The following RANBP2 variants were observed in gnomAD, a reference collection of about 807,000 sequenced individuals.
RANBP2 encodes the protein RAN binding protein 2, also known as E3 SUMO-protein ligase RanBP2.
Under a neutral mutation model 303.6 loss-of-function variants are expected in RANBP2, and 57 were observed. The ratio of observed to expected loss-of-function variants is 0.19; its 90% CI spans 0.15 to 0.23. The LOEUF (loss-of-function observed/expected upper bound fraction) is 0.23, where lower values mean the gene tolerates loss of function less well. RANBP2 is among the 10% of genes least tolerant of loss of function. The probability of loss-of-function intolerance (pLI) is 1.00; values close to 1 mark genes in which losing one functional copy is unlikely to be tolerated. For synonymous variants in RANBP2, 1,167 were observed against 1,301.5 expected (o/e 0.90, Z 2.23); for missense variants, 3,138 against 3,780.8 (o/e 0.83, Z 4.46).
chr2:109,122,320 G>A, the RANBP2 span, among the ~76,000 whole-genome samples: 2 of 152,224 alleles, frequency 1.3e-5, no homozygotes, highest in Non-Finnish European at 2.9e-5. Context: ...TAGAAAGGAA[G>A]TGCCAGCCAA....
At chr2:109,218,949 G>A in the RANBP2 span, among the ~76,000 whole-genome samples, 2 of 152,222 alleles carry the variant, frequency 1.3e-5, no homozygotes, top group Admixed American at 6.5e-5. Context: ...GGCTTGTAGA[G>A]GGGTGTGTCT....
chr2:109,392,685 ATT>A, the RANBP2 span, among the ~76,000 whole-genome samples: 1 of 149,212 alleles, frequency 6.7e-6, no homozygotes, highest in Admixed American at 6.7e-5. Flanking sequence ...CGCCCGGCTA[ATT>A]TTTTTTTTCA....
the RANBP2 span, among the ~76,000 whole-genome samples, chr2:109,334,682 C>T: frequency 6.6e-6 from 1 of 152,166 alleles, no homozygotes; most frequent in Non-Finnish European, 1.5e-5. Flanking sequence ...GGAAAGGAGA[C>T]CCACAGACAC....
chr2:109,636,808 G>A, the RANBP2 span, among the ~76,000 whole-genome samples: 1 of 151,922 alleles, frequency 6.6e-6, no homozygotes, highest in East Asian at 1.9e-4. Context: ...CGTGTTGGTG[G>A]GCACCTATAA....
the RANBP2 span, among the ~76,000 whole-genome samples, chr2:109,148,919 T>C: frequency 1.3e-5 from 2 of 152,136 alleles, no homozygotes; most frequent in Non-Finnish European, 2.9e-5. Flanking sequence ...CCAAAAAAAA[T>C]CAAGTTCTAG....
the RANBP2 span, chr2:108,813,031 C>T: frequency 4.8e-6 from 4 of 840,524 alleles, no homozygotes; most frequent in Non-Finnish European, 7.5e-6. Context: ...GGGCGGATCA[C>T]GATGTCAGGA....
At chr2:108,846,887 G>A in the RANBP2 span, 1 of 1,613,174 alleles carries the variant, frequency 6.2e-7, no homozygotes, top group Non-Finnish European at 8.5e-7. Flanking sequence ...ATTTGCCATT[G>A]AGATTTTTAT....
chr2:108,861,776 C>T, the RANBP2 span, among the ~76,000 whole-genome samples: 18 of 151,810 alleles, frequency 1.2e-4, no homozygotes, highest in South Asian at 1.5e-3. Flanking sequence ...CCACCGCGCC[C>T]GGCCTAAACC....
the RANBP2 span, among the ~76,000 whole-genome samples, chr2:109,146,881 TCCCTCC>T: frequency 1.3e-3 from 10 of 7,808 alleles, no homozygotes; most frequent in African/African-American, 4.0e-3. Context: ...TCTTCTTTTT[TCCCTCC>T]CCCCCCCCCC....
chr2:109,065,035 G>T, the RANBP2 span, among the ~76,000 whole-genome samples: 1 of 152,182 alleles, frequency 6.6e-6, no homozygotes, highest in African/African-American at 2.4e-5. Flanking sequence ...CTAACACTTA[G>T]ACTTGAAAAA....
the RANBP2 span, among the ~76,000 whole-genome samples, chr2:109,370,206 T>TCTGTCC: frequency 6.9e-6 from 1 of 145,100 alleles, no homozygotes; most frequent in Admixed American, 6.7e-5. Flanking sequence ...TGTCTCTGTC[T>TCTGTCC]CTGTCTCTGT....
the RANBP2 span, among the ~76,000 whole-genome samples, chr2:108,879,158 G>A: frequency 1.3e-3 from 196 of 152,300 alleles, no homozygotes; most frequent in Non-Finnish European, 2.1e-3. Context: ...TTTCTGTAGA[G>A]ACAGGGTTTT....
At chr2:109,657,714 G>GTTTTTTTT in the RANBP2 span, among the ~76,000 whole-genome samples, 14 of 82,226 alleles carry the variant, frequency 1.7e-4, no homozygotes, top group African/African-American at 2.3e-4. Context: ...AATTAGCTGA[G>GTTTTTTTT]TTTTTTTTTT....
chr2:108,978,561 C>A, the RANBP2 span, among the ~76,000 whole-genome samples: 34 of 152,196 alleles, frequency 2.2e-4, no homozygotes, highest in African/African-American at 8.2e-4. Context: ...AGGTTCAGAG[C>A]ACCGAGGAAA....
At chr2:108,929,145 CG>C in the RANBP2 span, 2 of 1,605,664 alleles carry the variant, frequency 1.2e-6, no homozygotes, top group South Asian at 2.2e-5. Context: ...CGTAGCCCCT[CG>C]GGGTTTTCTG....
chr2:109,381,899 G>A, the RANBP2 span, among the ~76,000 whole-genome samples: 1 of 152,092 alleles, frequency 6.6e-6, no homozygotes. Context: ...TGTGCAATGG[G>A]CAAACATGTA....
the RANBP2 span, among the ~76,000 whole-genome samples, chr2:108,983,636 C>T: frequency 6.6e-6 from 1 of 152,204 alleles, no homozygotes; most frequent in African/African-American, 2.4e-5. Context: ...TATCCTCCTC[C>T]AGACTGACTT....
At chr2:109,591,230 T>G in the RANBP2 span, among the ~76,000 whole-genome samples, 1 of 152,226 alleles carries the variant, frequency 6.6e-6, no homozygotes, top group Admixed American at 6.5e-5. Context: ...TTGTTAAAGT[T>G]GTTATCTGAT....
chr2:109,263,956 G>A, the RANBP2 span, among the ~76,000 whole-genome samples: 2 of 152,162 alleles, frequency 1.3e-5, no homozygotes, highest in Admixed American at 1.3e-4. Flanking sequence ...GCAACAGAAC[G>A]AGTCTCCATC....
Sources: allele counts gnomAD v4.1 joint callset (sites outside exome capture counted in the v4.1 genomes callset), GRCh38; gene constraint gnomAD v4.1.1; transcripts MANE v1.5; gene names NCBI Gene and HGNC (gene_info 2026-07-23, HGNC 2026-07-21).